The following SYTL3 variants were observed in gnomAD, a reference collection of about 807,000 sequenced individuals.
SYTL3 encodes the protein synaptotagmin-like protein 3.
Under a neutral mutation model 82.1 loss-of-function variants are expected in SYTL3, and 88 were observed. That is an observed-to-expected ratio of 1.07 (90% confidence interval 0.90 to 1.28). The LOEUF (loss-of-function observed/expected upper bound fraction) is 1.28, where lower values mean the gene tolerates loss of function less well. Ranked by LOEUF, SYTL3 falls within the 50% of genes most tolerant of loss-of-function variation. The probability of loss-of-function intolerance (pLI) is 0.00; values close to 1 mark genes in which losing one functional copy is unlikely to be tolerated. For missense variants in SYTL3, 831 were observed against 757.6 expected, an observed-to-expected ratio of 1.10 and a Z score of -1.14; for synonymous variants, 311 against 289.4, an observed-to-expected ratio of 1.07 and a Z score of -0.76.
chr6:158,756,334 C>T (rs1046581349), intron 13 of SYTL3, among the ~76,000 whole-genome samples: 4 of 152,250 alleles, frequency 2.6e-5, no homozygotes, highest in African/African-American at 4.8e-5. Flanking sequence ...TGCCTGAGCA[C>T]AGGCACCGTC....
intron 6 of SYTL3, among the ~76,000 whole-genome samples, chr6:158,700,884 G>A (rs900279723): frequency 1.4e-4 from 21 of 152,182 alleles, no homozygotes; most frequent in African/African-American, 5.1e-4. Context: ...CCAAGGTGCT[G>A]GGATTACAGG....
intron 10 of SYTL3, among the ~76,000 whole-genome samples, chr6:158,723,375 C>T (rs936337107): frequency 2.0e-5 from 3 of 152,168 alleles, no homozygotes; most frequent in African/African-American, 7.2e-5. Context: ...CAAGCCCAGC[C>T]TAACAGCTAC....
chr6:158,677,631 G>A (rs1778199071), intron 5 of SYTL3, among the ~76,000 whole-genome samples: 1 of 150,002 alleles, frequency 6.7e-6, no homozygotes, highest in South Asian at 2.1e-4. Flanking sequence ...CTTGAACCCG[G>A]GAGGCAGAGG....
At chr6:158,670,979 T>C (rs1777310688) in intron 5 of SYTL3, among the ~76,000 whole-genome samples, 1 of 151,854 alleles carries the variant, frequency 6.6e-6, no homozygotes, top group South Asian at 2.1e-4. Context: ...ATTTTTTTTG[T>C]ATTTTTAGTA....
intron 7 of SYTL3, 57 bp downstream of exon 7, chr6:158,707,338 CA>C: frequency 2.0e-6 from 3 of 1,506,754 alleles, no homozygotes; most frequent in Non-Finnish European, 2.8e-6. Flanking sequence ...GCGCAGAGGA[CA>C]CTCTGCAAGA....
At chr6:158,729,099 G>C (rs1785084988) in intron 11 of SYTL3, among the ~76,000 whole-genome samples, 1 of 152,142 alleles carries the variant, frequency 6.6e-6, no homozygotes, top group Non-Finnish European at 1.5e-5. Flanking sequence ...TTTTTGCCTA[G>C]AATTGTGACG....
At chr6:158,652,688 C>T (rs1788177347) in intron 2 of SYTL3, among the ~76,000 whole-genome samples, 1 of 152,002 alleles carries the variant, frequency 6.6e-6, no homozygotes, top group Non-Finnish European at 1.5e-5. Context: ...ATTACAGGTG[C>T]CCACCACCAT....
chr6:158,738,820 G>C (rs931732063), intron 11 of SYTL3, among the ~76,000 whole-genome samples: 1 of 152,190 alleles, frequency 6.6e-6, no homozygotes, highest in Non-Finnish European at 1.5e-5. Flanking sequence ...ACCGTGCCCA[G>C]CTAATTTTTG....
intron 5 of SYTL3, among the ~76,000 whole-genome samples, chr6:158,672,662 C>T (rs1290153019): frequency 2.0e-5 from 3 of 148,604 alleles, no homozygotes; most frequent in Non-Finnish European, 3.0e-5. Flanking sequence ...GACTGAGTCT[C>T]ACTCTGTCGC....
chr6:158,760,517 C>T (rs1028132115), intron 14 of SYTL3, 123 bp from the exon 15 acceptor site: 8 of 763,608 alleles, frequency 1.0e-5, no homozygotes, highest in Non-Finnish European at 1.8e-5. Context: ...ACACCTGCTC[C>T]ACCCAGGGCC....
At chr6:158,758,966 C>T (rs1383264233) in intron 14 of SYTL3, among the ~76,000 whole-genome samples, 1 of 152,198 alleles carries the variant, frequency 6.6e-6, no homozygotes, top group Non-Finnish European at 1.5e-5. Flanking sequence ...TCCGTGCCTT[C>T]CTCTCACCCC....
chr6:158,683,411 G>A (rs62431571), intron 6 of SYTL3, among the ~76,000 whole-genome samples: 2,696 of 152,074 alleles, frequency 0.018, 37 homozygotes, highest in Middle Eastern at 0.031. Flanking sequence ...AGTAGAGACG[G>A]GGTTTCACCA....
At chr6:158,651,251 A>G (rs1224814481) in intron 1 of SYTL3, among the ~76,000 whole-genome samples, 1 of 152,210 alleles carries the variant, frequency 6.6e-6, no homozygotes, top group Non-Finnish European at 1.5e-5. Flanking sequence ...TGTTGGCACA[A>G]CAGAAAGCAT....
chr6:158,697,277 GAAAAAAAA>G (rs35335929), intron 6 of SYTL3, among the ~76,000 whole-genome samples: 4 of 94,502 alleles, frequency 4.2e-5, no homozygotes, highest in East Asian at 6.7e-4. Context: ...CATCTCTACG[GAAAAAAAA>G]AAAAAAAAAA....
intron 14 of SYTL3, 116 bp downstream of exon 14, chr6:158,757,497 T>G: frequency 1.7e-6 from 2 of 1,149,364 alleles, no homozygotes; most frequent in Non-Finnish European, 2.5e-6. Flanking sequence ...CAAGACTGTG[T>G]GTTCGCCGGC....
chr6:158,728,367 G>T (rs1784990395), intron 11 of SYTL3, among the ~76,000 whole-genome samples: 1 of 151,628 alleles, frequency 6.6e-6, no homozygotes, highest in South Asian at 2.1e-4. Context: ...AAAGACTGTT[G>T]TATCCCACAG....
At chr6:158,714,312 A>C (rs1022738433) in intron 9 of SYTL3, among the ~76,000 whole-genome samples, 2 of 152,024 alleles carry the variant, frequency 1.3e-5, no homozygotes, top group South Asian at 4.2e-4. Context: ...AGATCACGCC[A>C]CTGGACTCCA....
chr6:158,723,880 A>G (rs1004210208), intron 10 of SYTL3, among the ~76,000 whole-genome samples: 1 of 152,194 alleles, frequency 6.6e-6, no homozygotes, highest in East Asian at 1.9e-4. Flanking sequence ...CTCAGACAAC[A>G]TCACACATCC....
intron 11 of SYTL3, among the ~76,000 whole-genome samples, chr6:158,729,059 CAAAT>C (rs1303754869): frequency 6.6e-6 from 1 of 151,954 alleles, no homozygotes; most frequent in Non-Finnish European, 1.5e-5. Flanking sequence ...TCTCAAAAAA[CAAAT>C]AAACAAAAAA....
Sources: gnomAD v4.1 joint callset for allele counts (sites outside exome capture counted in the v4.1 genomes callset) on GRCh38, gnomAD v4.1.1 for gene constraint, MANE v1.5 for transcripts, NCBI Gene and HGNC (gene_info 2026-07-23, HGNC 2026-07-21) for gene names.